Variants in LRP1B observed in about 807,000 individuals in gnomAD.
The protein encoded by LRP1B is low-density lipoprotein receptor-related protein 1B.
In LRP1B, 217 loss-of-function variants were observed where a neutral mutation model predicts 556.6. The ratio of observed to expected loss-of-function variants is 0.39; its 90% CI spans 0.35 to 0.44. The LOEUF (loss-of-function observed/expected upper bound fraction) is 0.44, where lower values mean the gene tolerates loss of function less well. LRP1B is among the 20% of genes least tolerant of loss of function. The pLI, the probability that LRP1B is intolerant of heterozygous loss-of-function variation, is 1.00. For synonymous variants in LRP1B, 2,047 were observed against 1,865.8 expected (o/e 1.10, Z -2.50); for missense variants, 5,053 against 5,620.8 (o/e 0.90, Z 3.23).
At chr2:141,365,655 C>CTTTTTTTTTTTTTTTTTGGT (rs781538829) in intron 3 of LRP1B, among the ~76,000 whole-genome samples, 1 of 121,150 alleles carries the variant, frequency 8.3e-6, no homozygotes, top group African/African-American at 3.2e-5. Context: ...GTTTTTGTTG[C>CTTTTTTTTTTTTTTTTTGGT]TTTTTTTTTT....
intron 32 of LRP1B, among the ~76,000 whole-genome samples, chr2:140,811,237 T>C (rs566852570): frequency 6.6e-6 from 1 of 152,238 alleles, no homozygotes; most frequent in South Asian, 2.1e-4. Context: ...GGCATTACGA[T>C]CTCATTCAAA....
intron 6 of LRP1B, among the ~76,000 whole-genome samples, chr2:141,193,969 G>C (rs778257619): frequency 5.3e-5 from 8 of 151,986 alleles, no homozygotes; most frequent in Admixed American, 1.3e-4. Context: ...TGTTTAGATT[G>C]ATGCATTAAA....
intron 6 of LRP1B, among the ~76,000 whole-genome samples, chr2:141,212,328 G>A (rs1057461514): frequency 8.1e-6 from 1 of 124,124 alleles, no homozygotes. Context: ...GCCCAGGCTG[G>A]AGTGCAGTGG....
chr2:140,647,139 C>G (rs560177245), intron 41 of LRP1B, among the ~76,000 whole-genome samples: 1 of 152,074 alleles, frequency 6.6e-6, no homozygotes, highest in Non-Finnish European at 1.5e-5. Flanking sequence ...TCAAAACATA[C>G]CATATTCATC....
At chr2:141,544,334 C>CTTCTTCTTCTTCTTCTT (rs1559131124) in intron 2 of LRP1B, among the ~76,000 whole-genome samples, 99 of 66,426 alleles carry the variant, frequency 1.5e-3, no homozygotes, top group African/African-American at 3.3e-3. Context: ...TCTTCTTCTT[C>CTTCTTCTTCTTCTTCTT]TTCTTCTTCT....
At chr2:141,170,259 C>G (rs1213087619) in intron 7 of LRP1B, among the ~76,000 whole-genome samples, 1 of 152,088 alleles carries the variant, frequency 6.6e-6, no homozygotes, top group Non-Finnish European at 1.5e-5. Flanking sequence ...AAACGTGGCT[C>G]TCATGGCTCT....
chr2:142,015,424 A>G (rs1159018064), intron 1 of LRP1B, among the ~76,000 whole-genome samples: 2 of 152,214 alleles, frequency 1.3e-5, no homozygotes, highest in Non-Finnish European at 1.5e-5. Flanking sequence ...AAACCCTAGA[A>G]GAAAACCTAG....
At chr2:140,654,352 G>A (rs1469863525) in intron 41 of LRP1B, among the ~76,000 whole-genome samples, 1 of 152,044 alleles carries the variant, frequency 6.6e-6, no homozygotes, top group Non-Finnish European at 1.5e-5. Context: ...CATTAACAAG[G>A]ATGAATAATT....
At chr2:140,650,557 C>T (rs1029673805) in intron 41 of LRP1B, among the ~76,000 whole-genome samples, 1 of 151,962 alleles carries the variant, frequency 6.6e-6, no homozygotes, top group Non-Finnish European at 1.5e-5. Context: ...CCATGTTGGC[C>T]AGGTTGGTCT....
chr2:140,423,977 A>G (rs1685554576), intron 66 of LRP1B, among the ~76,000 whole-genome samples: 1 of 152,186 alleles, frequency 6.6e-6, no homozygotes. Flanking sequence ...CTGTTAATGA[A>G]TAATGTTTAC....
chr2:140,290,034 AC>A (rs1683309435), intron 84 of LRP1B, among the ~76,000 whole-genome samples: 1 of 152,040 alleles, frequency 6.6e-6, no homozygotes, highest in African/African-American at 2.4e-5. Flanking sequence ...GGATCTTTCT[AC>A]TTTGCTCACA....
chr2:141,482,516 G>T (rs914730772), intron 2 of LRP1B, among the ~76,000 whole-genome samples: 9 of 151,740 alleles, frequency 5.9e-5, no homozygotes, highest in African/African-American at 2.2e-4. Context: ...ATGTGTGTGT[G>T]CATATATATT....
chr2:140,996,575 G>C (rs1697251567), intron 15 of LRP1B, among the ~76,000 whole-genome samples: 1 of 152,088 alleles, frequency 6.6e-6, no homozygotes, highest in South Asian at 2.1e-4. Context: ...ACAGAATAGG[G>C]TGTAGAGTTT....
At chr2:141,061,910 T>G in intron 8 of LRP1B, 141 bp downstream of exon 8, 1 of 651,886 alleles carries the variant, frequency 1.5e-6, no homozygotes, top group East Asian at 2.8e-5. Context: ...GAAAAGAACA[T>G]TCTCCAATAT....
Position 140,984,385 on chromosome 2 carries a change from T to G in LRP1B, c.2771-2109A>C, listed in dbSNP as rs889826117. ...TTTCATTCCTTCAGTCTTTTCTATA[T>G]TCTTGCTTTATATAAATAGACATTA... On this transcript the variant is annotated intron_variant, in intron 17 of 90. Transcript: ENST00000389484. Among the ~76,000 whole-genome samples the G allele has an allele frequency of 3.3e-5, 5 of 152,158 alleles. No homozygotes were observed. The South Asian group carries it at 1.0e-3, about 32-fold the overall frequency.
intron 45 of LRP1B, among the ~76,000 whole-genome samples, chr2:140,540,717 G>A (rs965676904): frequency 1.3e-5 from 2 of 149,910 alleles, no homozygotes; most frequent in African/African-American, 4.9e-5. Context: ...CACTTCTCTA[G>A]CTAGCCCCAG....
At chr2:141,808,720 A>G (rs1202305682) in intron 2 of LRP1B, among the ~76,000 whole-genome samples, 1 of 152,106 alleles carries the variant, frequency 6.6e-6, no homozygotes, top group Non-Finnish European at 1.5e-5. Context: ...CGTATATTCA[A>G]TAACAGTCAT....
intron 3 of LRP1B, among the ~76,000 whole-genome samples, chr2:141,380,110 G>A (rs949740200): frequency 5.3e-5 from 8 of 151,812 alleles, no homozygotes; most frequent in Admixed American, 5.3e-4. Context: ...TTGTCTCTTG[G>A]AGCTGTTGAG....
intron 7 of LRP1B, among the ~76,000 whole-genome samples, chr2:141,103,682 GA>G (rs1176966860): frequency 2.2e-5 from 3 of 135,342 alleles, no homozygotes; most frequent in East Asian, 2.1e-4. Context: ...ATACAACTGT[GA>G]AAAAAAAAGA....
Sources: allele counts gnomAD v4.1 joint callset (sites outside exome capture counted in the v4.1 genomes callset), GRCh38; gene constraint gnomAD v4.1.1; transcripts MANE v1.5; gene names NCBI Gene and HGNC (gene_info 2026-07-23, HGNC 2026-07-21).